Variants in CYRIB observed in about 807,000 individuals in gnomAD.
The protein encoded by CYRIB is CYFIP related Rac1 interactor B, also known as CYFIP-related Rac1 interactor B.
Under a neutral mutation model 44.2 loss-of-function variants are expected in CYRIB, and 8 were observed. That is an observed-to-expected ratio of 0.18 (90% CI 0.11 to 0.33). CYRIB has a LOEUF of 0.33. Among genes scored for constraint, CYRIB ranks in the 10% least tolerant of loss-of-function variants. The pLI is 1.00. For missense variants in CYRIB, 185 were observed against 382.8 expected (o/e 0.48, Z 4.31); for synonymous variants, 131 against 127.2 (o/e 1.03, Z -0.20).
rs182781388 is a variant in CYRIB, at chr8:129,946,459, C to A, written c.-243+24484G>T. On this transcript the variant is annotated intron_variant, in intron 2 of 14. Coordinates refer to the CYRIB transcript ENST00000401979. ...ACCATAGTCAGGGACTCCAGTGTTG[C>A]CTTAGGGATGAGGACTCCATGGATA... is the stretch of plus-strand genomic sequence containing the variant. 5.2e-3 allele frequency among the ~76,000 whole-genome samples: 789 copies of A among 152,222 alleles called. 3 individuals carry two copies. The highest frequency in any genetic ancestry group is 8.8e-3 in the Admixed American group (134 of 15,292).
chr8:129,859,786 T>C (rs893293785), intron 5 of CYRIB, among the ~76,000 whole-genome samples: 2 of 152,248 alleles, frequency 1.3e-5, no homozygotes, highest in African/African-American at 4.8e-5. Flanking sequence ...TGATTAATGA[T>C]ATTCATATGT....
chr8:129,967,350 G>GGTTTT (rs371763669), intron 2 of CYRIB, among the ~76,000 whole-genome samples: 4,204 of 151,248 alleles, frequency 0.028, 190 homozygotes, highest in African/African-American at 0.096. Context: ...TCTTTTCTTT[G>GGTTTT]GTTTTGTTTT....
intron 1 of CYRIB, among the ~76,000 whole-genome samples, chr8:129,922,599 C>T: frequency 6.6e-6 from 1 of 152,254 alleles, no homozygotes; most frequent in Non-Finnish European, 1.5e-5. Context: ...CGCGGTGGCT[C>T]ACGCCTGTAA....
In CYRIB at chr8:129,862,358, T is replaced by C. The variant is rs1402697740; in HGVS notation, c.196-24A>G. On this transcript the variant is annotated intron_variant, in intron 4 of 11. Coordinates refer to ENST00000519824, the Ensembl canonical transcript of CYRIB. ...GCCTTCAAAATCCAAAGAATAAAAA[T>C]AGTTAGAGTTAAAAAAAAAAAAAGG... is the stretch of plus-strand genomic sequence containing the variant. The C allele has an allele frequency of 6.5e-6, 10 of 1,528,444 alleles. No homozygotes were observed. In the Middle Eastern group the frequency reaches 6.1e-4, roughly 93 times the overall value. 94.7% of individuals were successfully genotyped at this position (1,528,444 alleles called of 1,614,324 possible). A position where few individuals can be genotyped will look rare whatever the true frequency, so the allele number is the denominator to read the frequency against.
chr8:130,011,952 T>C (rs6995968), intron 1 of CYRIB, among the ~76,000 whole-genome samples: 54,789 of 151,866 alleles, frequency 0.36, 10,471 homozygotes, highest in African/African-American at 0.51. Flanking sequence ...CAGAAAGCTC[T>C]CTTCCCTCAT....
At chr8:129,988,919 G>A (rs2096553214) in intron 1 of CYRIB, among the ~76,000 whole-genome samples, 1 of 152,084 alleles carries the variant, frequency 6.6e-6, no homozygotes, top group Non-Finnish European at 1.5e-5. Context: ...CGTTGGGAGA[G>A]TTCATTTCAA....
At chr8:129,965,339 A>C (rs1244702928) in intron 2 of CYRIB, among the ~76,000 whole-genome samples, 4 of 152,024 alleles carry the variant, frequency 2.6e-5, no homozygotes, top group Non-Finnish European at 5.9e-5. Flanking sequence ...GGGTGTGTAT[A>C]AACACTTATA....
chr8:129,944,642 AC>A (rs1305253575), upstream of CYRIB, among the ~76,000 whole-genome samples: 1 of 151,818 alleles, frequency 6.6e-6, no homozygotes, highest in Non-Finnish European at 1.5e-5. Context: ...AATTAGCCAG[AC>A]ATGGTGGCAC....
intron 1 of CYRIB, among the ~76,000 whole-genome samples, chr8:129,909,713 G>A (rs928907306): frequency 2.6e-5 from 4 of 152,174 alleles, no homozygotes; most frequent in African/African-American, 4.8e-5. Context: ...ATATAAAAAC[G>A]TTTATGAACT....
intron 1 of CYRIB, among the ~76,000 whole-genome samples, chr8:129,982,343 T>C (rs927838599): frequency 3.3e-5 from 5 of 152,240 alleles, no homozygotes; most frequent in African/African-American, 4.8e-5. Flanking sequence ...CACATGTGGT[T>C]ACTGAGCACT....
chr8:129,988,302 C>T (rs753222684), intron 1 of CYRIB, among the ~76,000 whole-genome samples: 1 of 152,204 alleles, frequency 6.6e-6, no homozygotes, highest in Non-Finnish European at 1.5e-5. Context: ...ACGCTGCTGA[C>T]GCAAGTAGCC....
At chr8:129,903,788 A>T (rs2073695997) in intron 1 of CYRIB, among the ~76,000 whole-genome samples, 1 of 152,240 alleles carries the variant, frequency 6.6e-6, no homozygotes, top group South Asian at 2.1e-4. Flanking sequence ...ATGTATTAAT[A>T]ATCAGTTTTA....
At chr8:129,854,806 G>T (rs773936013) in intron 6 of CYRIB, among the ~76,000 whole-genome samples, 1 of 152,170 alleles carries the variant, frequency 6.6e-6, no homozygotes, top group Non-Finnish European at 1.5e-5. Flanking sequence ...AAAAATCAAA[G>T]GACGTGCCCA....
upstream of CYRIB, among the ~76,000 whole-genome samples, chr8:129,942,737 T>G (rs1410856312): frequency 6.6e-6 from 1 of 152,248 alleles, no homozygotes; most frequent in Non-Finnish European, 1.5e-5. Context: ...CCTTACAATG[T>G]GCCAGGCACT....
At chr8:129,853,190 AC>A (rs1380705716) in intron 7 of CYRIB, among the ~76,000 whole-genome samples, 1 of 152,172 alleles carries the variant, frequency 6.6e-6, no homozygotes, top group Non-Finnish European at 1.5e-5. Context: ...AACCAAGATG[AC>A]TAATGTCTTT....
intron 1 of CYRIB, among the ~76,000 whole-genome samples, chr8:129,972,810 TAG>T (rs1336952711): frequency 6.6e-6 from 1 of 151,992 alleles, no homozygotes; most frequent in Non-Finnish European, 1.5e-5. Flanking sequence ...ACCCAGGGCA[TAG>T]AGTGTGGCTC....
chr8:129,886,400 T>C (rs1056907171), intron 2 of CYRIB, among the ~76,000 whole-genome samples: 1 of 152,140 alleles, frequency 6.6e-6, no homozygotes. Flanking sequence ...CCTACTTCAG[T>C]TTTTCTTTTT....
intron 1 of CYRIB, among the ~76,000 whole-genome samples, chr8:129,929,336 A>G (rs2089916601): frequency 6.6e-6 from 1 of 152,110 alleles, no homozygotes; most frequent in Admixed American, 6.6e-5. Context: ...TGTAAGAGCT[A>G]GAAGATAGGA....
intron 1 of CYRIB, among the ~76,000 whole-genome samples, chr8:129,996,500 G>T (rs187816485): frequency 8.8e-4 from 134 of 152,324 alleles, no homozygotes; most frequent in South Asian, 1.7e-3. Flanking sequence ...CAGAGGGGCC[G>T]TGGGGAAACA....
Sources: allele counts gnomAD v4.1 joint callset (sites outside exome capture counted in the v4.1 genomes callset), GRCh38; gene constraint gnomAD v4.1.1; transcripts MANE v1.5; gene names NCBI Gene and HGNC (gene_info 2026-07-23, HGNC 2026-07-21).